The following PITPNC1 variants were observed in gnomAD, a reference collection of about 807,000 sequenced individuals.
PITPNC1 encodes the protein phosphatidylinositol transfer protein cytoplasmic 1.
PITPNC1 carries 18 observed loss-of-function variants against 44.7 expected under a neutral mutation model. The ratio of observed to expected loss-of-function variants is 0.40; its 90% CI spans 0.28 to 0.60. The LOEUF is 0.60. PITPNC1 is among the 20% of genes least tolerant of loss of function. PITPNC1 has a pLI of 0.39. For missense variants in PITPNC1, 290 were observed against 418.4 expected (o/e 0.69, Z 2.68); for synonymous variants, 141 against 149.6 (o/e 0.94, Z 0.42).
intron 8 of PITPNC1, among the ~76,000 whole-genome samples, chr17:67,681,261 A>G (rs1362591830): frequency 6.6e-6 from 1 of 152,148 alleles, no homozygotes; most frequent in Non-Finnish European, 1.5e-5. Context: ...AGGGGAAAAT[A>G]TTTGCTGCAT....
chr17:67,446,346 T>G (rs2039094304), intron 1 of PITPNC1, among the ~76,000 whole-genome samples: 1 of 151,670 alleles, frequency 6.6e-6, no homozygotes, highest in Non-Finnish European at 1.5e-5. Context: ...CTTTCTAAAA[T>G]TAAGGTACAA....
intron 1 of PITPNC1, among the ~76,000 whole-genome samples, chr17:67,412,717 C>T (rs1266426263): frequency 6.6e-6 from 1 of 152,146 alleles, no homozygotes; most frequent in East Asian, 1.9e-4. Context: ...CAGGCGCCCA[C>T]CACCACGCCT....
chr17:67,546,037 C>CCGGTTGTAGG (rs2144152876), intron 2 of PITPNC1, among the ~76,000 whole-genome samples: 1 of 151,738 alleles, frequency 6.6e-6, no homozygotes, highest in African/African-American at 2.4e-5. Context: ...AGGAAAAATA[C>CCGGTTGTAGG]AAAAAATTAA....
chr17:67,645,491 A>G (rs1157283747), intron 6 of PITPNC1, among the ~76,000 whole-genome samples: 1 of 152,016 alleles, frequency 6.6e-6, no homozygotes, highest in South Asian at 2.1e-4. Context: ...CACATCTACT[A>G]TCCATTCACC....
intron 1 of PITPNC1, among the ~76,000 whole-genome samples, chr17:67,482,778 C>T (rs2039721597): frequency 6.6e-6 from 1 of 152,152 alleles, no homozygotes; most frequent in Non-Finnish European, 1.5e-5. Flanking sequence ...TGCTGTTTTG[C>T]AAATTGTGCT....
chr17:67,625,213 T>C (rs1567745799), intron 5 of PITPNC1, among the ~76,000 whole-genome samples: 2 of 152,082 alleles, frequency 1.3e-5, no homozygotes, highest in African/African-American at 4.8e-5. Context: ...AGGAACATTA[T>C]TACAGGTGAT....
intron 7 of PITPNC1, among the ~76,000 whole-genome samples, chr17:67,673,778 G>A (rs995627354): frequency 1.2e-4 from 18 of 151,504 alleles, no homozygotes; most frequent in African/African-American, 3.9e-4. Context: ...GTGAAACCCC[G>A]TCTCTACTAA....
chr17:67,450,013 G>A (rs2039153192), intron 1 of PITPNC1, among the ~76,000 whole-genome samples: 1 of 152,136 alleles, frequency 6.6e-6, no homozygotes, highest in Admixed American at 6.5e-5. Context: ...TTACTTAACT[G>A]CTTGTCTGTC....
intron 6 of PITPNC1, among the ~76,000 whole-genome samples, chr17:67,650,681 C>T (rs1312299830): frequency 1.3e-5 from 2 of 152,074 alleles, no homozygotes; most frequent in African/African-American, 4.8e-5. Context: ...CAACTCCTGA[C>T]CTCAAAAGAT....
intron 4 of PITPNC1, among the ~76,000 whole-genome samples, chr17:67,558,927 G>C (rs1415029983): frequency 1.3e-5 from 2 of 152,146 alleles, no homozygotes; most frequent in African/African-American, 4.8e-5. Flanking sequence ...GAGAGGAAAG[G>C]CTGCTCACAG....
intron 1 of PITPNC1, among the ~76,000 whole-genome samples, chr17:67,476,041 A>C (rs1170114782): frequency 6.6e-6 from 1 of 152,236 alleles, no homozygotes; most frequent in Non-Finnish European, 1.5e-5. Flanking sequence ...AGCTATGATA[A>C]TATGATGCAA....
At chr17:67,535,197 C>G (rs1598792203) in intron 2 of PITPNC1, among the ~76,000 whole-genome samples, 1 of 152,348 alleles carries the variant, frequency 6.6e-6, no homozygotes, top group East Asian at 1.9e-4. Flanking sequence ...AGTGTCCAGC[C>G]AGCTGTTGAT....
At chr17:67,435,108 CAAAAA>C (rs555005702) in intron 1 of PITPNC1, among the ~76,000 whole-genome samples, 2 of 76,676 alleles carry the variant, frequency 2.6e-5, no homozygotes, top group Non-Finnish European at 2.6e-5. Context: ...GACTCCATCT[CAAAAA>C]AAAAAAAAAA....
At chr17:67,500,732 G>A (rs1380869701) in intron 1 of PITPNC1, among the ~76,000 whole-genome samples, 3 of 151,636 alleles carry the variant, frequency 2.0e-5, no homozygotes, top group South Asian at 2.1e-4. Flanking sequence ...GCACAATCAC[G>A]GATCATGGCC....
At chr17:67,495,738 G>A (rs1249125312) in intron 1 of PITPNC1, among the ~76,000 whole-genome samples, 4 of 152,200 alleles carry the variant, frequency 2.6e-5, no homozygotes, top group African/African-American at 9.7e-5. Context: ...TGGCTGTATA[G>A]TATTCCATGA....
chr17:67,446,422 A>T (rs1162131167), intron 1 of PITPNC1, among the ~76,000 whole-genome samples: 2 of 151,930 alleles, frequency 1.3e-5, no homozygotes, highest in East Asian at 3.9e-4. Context: ...TCAGAAAAAA[A>T]AAAAGGAAAA....
chr17:67,598,726 C>CA lies in PITPNC1; in HGVS notation c.366+20476dup, dbSNP rs565364007. On this transcript the variant is annotated intron_variant, in intron 5 of 8. Coordinates refer to ENST00000581322, the MANE Select transcript of PITPNC1 (RefSeq NM_012417.4). ...CCAACATGGTGAAACCCCGTCTCTA[C>CA]AAAAAAATACAAAAAAATTAGCTGG... Among the ~76,000 whole-genome samples the CA allele has an allele frequency of 1.7e-4, 26 of 151,450 alleles. No homozygotes were observed. The East Asian group carries it at 4.5e-3, about 26-fold the overall frequency.
At chr17:67,495,449 G>A (rs1254755375) in intron 1 of PITPNC1, among the ~76,000 whole-genome samples, 1 of 152,024 alleles carries the variant, frequency 6.6e-6, no homozygotes, top group Admixed American at 6.6e-5. Context: ...TCATGTCATG[G>A]GGGTTTGTTG....
chr17:67,571,084 G>T (rs1022513148), intron 4 of PITPNC1, among the ~76,000 whole-genome samples: 1 of 152,220 alleles, frequency 6.6e-6, no homozygotes, highest in African/African-American at 2.4e-5. Flanking sequence ...GCTGAGTGTT[G>T]TGTTGGTTTT....
Sources: gnomAD v4.1 joint callset for allele counts (sites outside exome capture counted in the v4.1 genomes callset) on GRCh38, gnomAD v4.1.1 for gene constraint, MANE v1.5 for transcripts, NCBI Gene and HGNC (gene_info 2026-07-23, HGNC 2026-07-21) for gene names.